SUZ12: variants seen among roughly 807,000 people sequenced by gnomAD.
SUZ12 encodes polycomb protein SUZ12.
A neutral mutation model predicts 87.3 loss-of-function variants in SUZ12; 17 were observed. The ratio of observed to expected loss-of-function variants is 0.19; its 90% CI spans 0.13 to 0.29. SUZ12 has a LOEUF of 0.29. Among genes scored for constraint, SUZ12 ranks in the 10% least tolerant of loss-of-function variants. The pLI is 1.00. For missense variants in SUZ12, 526 were observed against 912.2 expected (o/e 0.58, Z 5.45); for synonymous variants, 253 against 312.4 (o/e 0.81, Z 2.01).
At chr17:31,992,734 T>G (rs1387553421) in intron 10 of SUZ12, among the ~76,000 whole-genome samples, 3 of 147,666 alleles carry the variant, frequency 2.0e-5, no homozygotes, top group Non-Finnish European at 4.5e-5. Context: ...TGAGACGGAG[T>G]TTTGCTCTTG....
intron 4 of SUZ12, among the ~76,000 whole-genome samples, chr17:31,964,820 G>GA (rs1194281943): frequency 6.6e-6 from 1 of 151,796 alleles, no homozygotes; most frequent in African/African-American, 2.4e-5. Context: ...CTCTATCTTA[G>GA]AAAAAGAGGA....
In SUZ12 at chr17:31,980,429, C is replaced by CTTTTTTTTTTTTTTTTTTTT. The variant is rs58491591; in HGVS notation, c.918-2552_918-2533dup. Among the ~76,000 whole-genome samples the CTTTTTTTTTTTTTTTTTTTT allele has an allele frequency of 7.4e-5, 4 of 53,834 alleles. 1 individual carries two copies. Among genetic ancestry groups the CTTTTTTTTTTTTTTTTTTTT allele is most frequent in the Non-Finnish European group, 1.3e-4 (4 of 30,162 alleles). The allele number at this position is 53,834 out of a possible 152,430, so 35.3% of individuals were successfully genotyped here. A position where few individuals can be genotyped will look rare whatever the true frequency, so the allele number is the denominator to read the frequency against. ...TAAGATATACCAGAATCACCTTCTC[C>CTTTTTTTTTTTTTTTTTTTT]TTTTTTTTTTTTTTTTTTTTTTTTT... On this transcript the variant is annotated intron_variant, in intron 8 of 15. Transcript: ENST00000322652.
chr17:31,980,164 G>T (rs1909012458), intron 8 of SUZ12, among the ~76,000 whole-genome samples: 1 of 147,872 alleles, frequency 6.8e-6, no homozygotes, highest in Non-Finnish European at 1.5e-5. Flanking sequence ...TTCCTAAAAA[G>T]AAAAAAAAAA....
intron 4 of SUZ12, among the ~76,000 whole-genome samples, chr17:31,964,841 G>C (rs921195470): frequency 6.6e-6 from 1 of 151,936 alleles, no homozygotes; most frequent in Non-Finnish European, 1.5e-5. Flanking sequence ...ATCCAGTCGG[G>C]CTCGGTGGCT....
At chr17:31,959,089 GATCTGATGTTTTCCCT>G (rs1907544081) in intron 4 of SUZ12, among the ~76,000 whole-genome samples, 1 of 152,122 alleles carries the variant, frequency 6.6e-6, no homozygotes, top group African/African-American at 2.4e-5. Context: ...CCATTAATAA[GATCTGATGTTTTCCCT>G]TTCTTTTTTT....
intron 5 of SUZ12, among the ~76,000 whole-genome samples, chr17:31,969,867 C>T (rs1483313652): frequency 6.6e-6 from 1 of 151,876 alleles, no homozygotes; most frequent in Non-Finnish European, 1.5e-5. Flanking sequence ...GACCCTCTCT[C>T]AAAACAAGGA....
intron 5 of SUZ12, among the ~76,000 whole-genome samples, chr17:31,971,991 T>G (rs1192446148): frequency 6.6e-6 from 1 of 151,348 alleles, no homozygotes; most frequent in Non-Finnish European, 1.5e-5. Flanking sequence ...TTAGAAATAT[T>G]CAGTAAATAT....
chr17:31,939,815 T>G (rs1176544506), intron 1 of SUZ12, among the ~76,000 whole-genome samples: 1 of 152,184 alleles, frequency 6.6e-6, no homozygotes. Flanking sequence ...CATGAGCCAC[T>G]GCGCCTGGCC....
intron 4 of SUZ12, among the ~76,000 whole-genome samples, chr17:31,953,224 G>C (rs1420820408): frequency 1.3e-5 from 2 of 152,082 alleles, no homozygotes; most frequent in Non-Finnish European, 2.9e-5. Flanking sequence ...TCGAGCCTCA[G>C]CTTCCCCAGT....
At chr17:31,995,437 C>T (rs1404400436) in intron 13 of SUZ12, 127 bp from the exon 14 acceptor site, 1 of 693,788 alleles carries the variant, frequency 1.4e-6, no homozygotes, top group African/African-American at 1.8e-5. Flanking sequence ...GCCTCTAATA[C>T]TATTGTTTTA....
chr17:31,937,483 C>A lies in SUZ12; in HGVS notation c.237C>A (p.Val79=). The change falls in exon 1 of 16, where the codon GTC becomes GTA. Residue 79 remains valine, a synonymous_variant. Coordinates refer to ENST00000322652, the MANE Select transcript of SUZ12 (RefSeq NM_015355.4). ...TGAAGAAGCCGAAAATGGAGCACGTCCAGGCTGACCACGAGCTTTTCCTCC... is the reference window on the plus strand; with the variant it reads ...TGAAGAAGCCGAAAATGGAGCACGTACAGGCTGACCACGAGCTTTTCCTCC... ...LPVKKPKMEH[V]QADHELFLQA... 4.5e-6 allele frequency: 7 copies of A among 1,542,196 alleles called. No individual in the cohort carries two copies. The highest frequency in any genetic ancestry group is 6.1e-6 in the Non-Finnish European group (7 of 1,146,270).
At chr17:31,986,173 C>CTAAG (rs1188040489) in intron 9 of SUZ12, among the ~76,000 whole-genome samples, 1 of 152,108 alleles carries the variant, frequency 6.6e-6, no homozygotes, top group African/African-American at 2.4e-5. Flanking sequence ...AACTCCTGAC[C>CTAAG]TAAGGTTTTC....
chr17:31,985,250 T>C (rs1427207839), intron 9 of SUZ12, among the ~76,000 whole-genome samples: 1 of 151,802 alleles, frequency 6.6e-6, no homozygotes. Flanking sequence ...ATATAGTCTT[T>C]AACAATTCAA....
chr17:31,945,932 A>C (rs1486444051), intron 3 of SUZ12, among the ~76,000 whole-genome samples: 1 of 152,300 alleles, frequency 6.6e-6, no homozygotes, highest in Admixed American at 6.5e-5. Flanking sequence ...AGCTCTTTGC[A>C]ACTAGCCTAA....
At chr17:31,964,587 A>G (rs1256570975) in intron 4 of SUZ12, among the ~76,000 whole-genome samples, 3 of 151,772 alleles carry the variant, frequency 2.0e-5, no homozygotes, top group Admixed American at 1.3e-4. Context: ...TTGTATTTTT[A>G]GTAGAGACTG....
At chr17:31,971,642 C>A (rs1908438345) in intron 5 of SUZ12, among the ~76,000 whole-genome samples, 1 of 151,828 alleles carries the variant, frequency 6.6e-6, no homozygotes, top group Non-Finnish European at 1.5e-5. Flanking sequence ...GTTGGTCAGG[C>A]TGGTCTCAAA....
chr17:31,993,306 C>T lies in SUZ12; in HGVS notation c.1266C>T (p.Asn422=), dbSNP rs77143645. 1,514 of 1,582,004 alleles carry T rather than the reference C, an allele frequency of 9.6e-4. 12 individuals are homozygous for T. The African/African-American group carries it at 0.018, about 19-fold the overall frequency. ...AAGAAAAGGATACTCCAAATGAAAA[C>T]CGACAAAAATTAAGAATATTTTATC... is the stretch of plus-strand genomic sequence containing the variant. ...TRKEKDTPNE[N]RQKLRIFYQF... is the part of the protein sequence containing the mutation. The change falls in exon 11 of 16, where the codon AAC becomes AAT. Residue 422 remains asparagine (N), a synonymous_variant. Transcript: ENST00000322652.
intron 15 of SUZ12, 46 bp from the exon 16 acceptor site, chr17:31,998,612 C>T (rs1437622979): frequency 2.8e-6 from 4 of 1,405,874 alleles, no homozygotes; most frequent in Admixed American, 5.4e-5. Context: ...TTGCATTTGA[C>T]AAAAATGCTT....
intron 10 of SUZ12, among the ~76,000 whole-genome samples, chr17:31,992,010 G>A (rs896390685): frequency 6.6e-5 from 10 of 151,910 alleles, no homozygotes; most frequent in Admixed American, 4.6e-4. Flanking sequence ...CCACACTCTG[G>A]GCTGGGCACG....
Sources: gnomAD v4.1 joint callset for allele counts (sites outside exome capture counted in the v4.1 genomes callset) on GRCh38, gnomAD v4.1.1 for gene constraint, MANE v1.5 for transcripts, NCBI Gene and HGNC (gene_info 2026-07-23, HGNC 2026-07-21) for gene names.